The following SIL1 variants were observed in gnomAD, a reference collection of about 807,000 sequenced individuals.
The protein encoded by SIL1 is SIL1 nucleotide exchange factor, also known as nucleotide exchange factor SIL1.
In SIL1, 40 loss-of-function variants were observed where a neutral mutation model predicts 49.1. The ratio of observed to expected loss-of-function variants is 0.81; its 90% CI spans 0.63 to 1.06. The LOEUF (loss-of-function observed/expected upper bound fraction) is 1.06, where lower values mean the gene tolerates loss of function less well. Ranked by LOEUF, SIL1 falls within the 50% of genes least tolerant of loss-of-function variation. The probability of loss-of-function intolerance (pLI) is 0.00; values close to 1 mark genes in which losing one functional copy is unlikely to be tolerated. For missense variants in SIL1, 500 were observed against 572.6 expected, an observed-to-expected ratio of 0.87 and a Z score of 1.29; for synonymous variants, 253 against 250.8, an observed-to-expected ratio of 1.01 and a Z score of -0.08.
intron 7 of SIL1, among the ~76,000 whole-genome samples, chr5:138,986,301 C>G (rs979739656): frequency 1.3e-5 from 2 of 152,336 alleles, no homozygotes; most frequent in African/African-American, 4.8e-5. Flanking sequence ...TCCCCTGCTT[C>G]CCCTCCTGGC....
At chr5:139,031,012 A>G (rs1768779736) in intron 5 of SIL1, among the ~76,000 whole-genome samples, 1 of 152,186 alleles carries the variant, frequency 6.6e-6, no homozygotes, top group Non-Finnish European at 1.5e-5. Flanking sequence ...ACAATTCCAC[A>G]TAACATAAAA....
chr5:139,053,385 T>G (rs1193689134), intron 3 of SIL1, among the ~76,000 whole-genome samples: 1 of 152,222 alleles, frequency 6.6e-6, no homozygotes, highest in Non-Finnish European at 1.5e-5. Flanking sequence ...ACCATCACCA[T>G]CTCTGATCTG....
chr5:138,979,262 A>C (rs977102164), intron 7 of SIL1, among the ~76,000 whole-genome samples: 3 of 151,910 alleles, frequency 2.0e-5, no homozygotes, highest in Admixed American at 6.6e-5. Flanking sequence ...ACGGGGTTTC[A>C]CCATGTTGGC....
chr5:138,956,853 C>T (rs928524881), intron 7 of SIL1, among the ~76,000 whole-genome samples: 9 of 151,880 alleles, frequency 5.9e-5, no homozygotes, highest in African/African-American at 2.2e-4. Flanking sequence ...ACAAATCTTC[C>T]ACTACAAAGT....
At chr5:138,973,947 C>T (rs1026661796) in intron 7 of SIL1, among the ~76,000 whole-genome samples, 2 of 151,964 alleles carry the variant, frequency 1.3e-5, no homozygotes, top group Non-Finnish European at 2.9e-5. Context: ...TAAATCTTTA[C>T]CCATTTACTT....
At chr5:138,962,944 G>T (rs1767054976) in intron 7 of SIL1, among the ~76,000 whole-genome samples, 1 of 152,226 alleles carries the variant, frequency 6.6e-6, no homozygotes, top group South Asian at 2.1e-4. Flanking sequence ...ATTATTCAAA[G>T]AATGTCCCTG....
At chr5:139,055,709 CT>C (rs1307001579) in intron 3 of SIL1, among the ~76,000 whole-genome samples, 4 of 148,752 alleles carry the variant, frequency 2.7e-5, no homozygotes, top group Admixed American at 6.7e-5. Flanking sequence ...CACGGTCTCC[CT>C]CTGATGCCTA....
chr5:139,020,094 G>A (rs115078683), intron 7 of SIL1, among the ~76,000 whole-genome samples: 321 of 152,284 alleles, frequency 2.1e-3, no homozygotes, highest in African/African-American at 7.4e-3. Context: ...CAAGGGAGGT[G>A]GAGTTGCCCT....
intron 7 of SIL1, among the ~76,000 whole-genome samples, chr5:138,985,518 G>A (rs1448939360): frequency 1.3e-5 from 2 of 152,180 alleles, no homozygotes; most frequent in African/African-American, 4.8e-5. Context: ...AAGCTTCTAT[G>A]GGCCTAACCC....
At chr5:139,074,957 T>A (rs1441018085) in intron 3 of SIL1, among the ~76,000 whole-genome samples, 4 of 152,160 alleles carry the variant, frequency 2.6e-5, no homozygotes, top group African/African-American at 9.7e-5. Context: ...CCTGAGTAGC[T>A]GGGATTACAG....
chr5:139,156,865 G>A (rs1453513589), intron 1 of SIL1, among the ~76,000 whole-genome samples: 3 of 152,178 alleles, frequency 2.0e-5, no homozygotes, highest in Non-Finnish European at 4.4e-5. Flanking sequence ...CTTGTTTTAA[G>A]CCACCAAGTT....
intron 7 of SIL1, among the ~76,000 whole-genome samples, chr5:139,008,802 T>C (rs1768182130): frequency 1.3e-5 from 2 of 152,120 alleles, no homozygotes; most frequent in South Asian, 4.2e-4. Context: ...TGAGTTCTAG[T>C]TTGATTGCAC....
chr5:138,968,456 C>T lies in SIL1; in HGVS notation c.768-16572G>A, dbSNP rs73267430. Among the ~76,000 whole-genome samples, 285 of 152,244 alleles carry T rather than the reference C, an allele frequency of 1.9e-3. 1 individual carries two copies. The highest frequency in any genetic ancestry group is 6.5e-3 in the African/African-American group (270 of 41,544). The stretch of plus-strand genomic sequence containing the variant: ...AATCTCAGTGTGCTGTGTTCCCCAC[C>T]GCCTCTGCCTGAGCGCCCTGCCCCT... On this transcript the variant is annotated intron_variant, in intron 7 of 9. Transcript: ENST00000394817.
Position 139,121,280 on chromosome 5 carries a change from C to G in SIL1, c.106-107G>C, listed in dbSNP as rs1449037915. 7 of 1,478,146 alleles carry G rather than the reference C, an allele frequency of 4.7e-6. No individual in the cohort carries two copies. The South Asian group carries it at 8.0e-5, about 17-fold the overall frequency. 91.6% of individuals were successfully genotyped at this position (1,478,146 alleles called of 1,614,324 possible). ...TCTTTTCCTCCATGCCCCTCTCCCCCACAGCCTGATATGTCTGGACACTCG... is the reference window on the plus strand; with the variant it reads ...TCTTTTCCTCCATGCCCCTCTCCCCGACAGCCTGATATGTCTGGACACTCG... On this transcript the variant is annotated intron_variant, in intron 2 of 9. Transcript: ENST00000394817.
At chr5:139,055,671 C>G (rs1391362781) in intron 3 of SIL1, among the ~76,000 whole-genome samples, 1 of 140,160 alleles carries the variant, frequency 7.1e-6, no homozygotes, top group Non-Finnish European at 1.5e-5. Context: ...CTCTCCCTCT[C>G]CCCACGGTCT....
At chr5:139,171,067 G>T (rs1214477572) in intron 1 of SIL1, among the ~76,000 whole-genome samples, 48 of 151,074 alleles carry the variant, frequency 3.2e-4, no homozygotes, top group African/African-American at 1.2e-3. Flanking sequence ...GCCCCGTCCG[G>T]GAGGGAGGTG....
In SIL1 at chr5:139,142,531, G is replaced by GA. The variant is rs1313742638; in HGVS notation, c.-10-14679dup. Among the ~76,000 whole-genome samples, 5 of 151,762 alleles carry GA rather than the reference G, an allele frequency of 3.3e-5. No homozygotes were observed. In the South Asian group the frequency reaches 6.3e-4, roughly 19 times the overall value. On this transcript the variant is annotated intron_variant, in intron 1 of 9. Transcript: ENST00000394817. ...AATACACCACATTAATAGAATGAAG[G>GA]AAAAAAACCACATGATCATTTCAAT...
chr5:138,971,492 C>T (rs939508948), intron 7 of SIL1, among the ~76,000 whole-genome samples: 1 of 152,196 alleles, frequency 6.6e-6, no homozygotes, highest in Non-Finnish European at 1.5e-5. Flanking sequence ...GTGAGGAGTT[C>T]CCCCAGCAGC....
At position 139,156,226 on chromosome 5, in the gene SIL1, A is replaced by G. The variant is rs1240208172; in HGVS notation, c.-10-28373T>C. 2.0e-5 allele frequency among the ~76,000 whole-genome samples: 3 copies of G among 152,210 alleles called. No individual in the cohort carries two copies. In the East Asian group the frequency reaches 5.8e-4, roughly 29 times the overall value. On this transcript the variant is annotated intron_variant, in intron 1 of 9. Coordinates refer to ENST00000394817, the MANE Select transcript of SIL1 (RefSeq NM_022464.5). ...GCTTAGCAGGCAAGATTTCATTTAA[A>G]TCTCATGGCAATTTAGTACAGAATA... is the stretch of plus-strand genomic sequence containing the variant.
Sources: allele counts gnomAD v4.1 joint callset (sites outside exome capture counted in the v4.1 genomes callset), GRCh38; gene constraint gnomAD v4.1.1; transcripts MANE v1.5; gene names NCBI Gene and HGNC (gene_info 2026-07-23, HGNC 2026-07-21).